KMT2C: variants seen among roughly 807,000 people sequenced by gnomAD.
The protein encoded by KMT2C is lysine methyltransferase 2C.
In KMT2C, 88 loss-of-function variants were observed where a neutral mutation model predicts 507.9. The ratio of observed to expected loss-of-function variants is 0.17; its 90% CI spans 0.15 to 0.21. KMT2C has a LOEUF of 0.21. Among genes scored for constraint, KMT2C ranks in the 10% least tolerant of loss-of-function variants. The probability of loss-of-function intolerance (pLI) is 1.00; values close to 1 mark genes in which losing one functional copy is unlikely to be tolerated. For synonymous variants in KMT2C, 2,049 were observed against 2,080.8 expected, an observed-to-expected ratio of 0.98 and a Z score of 0.42; for missense variants, 4,954 against 5,957.8, an observed-to-expected ratio of 0.83 and a Z score of 5.55.
intron 15 of KMT2C, among the ~76,000 whole-genome samples, chr7:152,236,823 C>T (rs534674963): frequency 6.6e-6 from 1 of 152,208 alleles, no homozygotes; most frequent in Admixed American, 6.5e-5. Flanking sequence ...TCCCAAAGTG[C>T]CAGGATTACA....
At chr7:152,282,587 C>CCAATTATA (rs1554610099) in intron 6 of KMT2C, among the ~76,000 whole-genome samples, 1 of 148,220 alleles carries the variant, frequency 6.7e-6, no homozygotes, top group Non-Finnish European at 1.5e-5. Flanking sequence ...TACTTAGTAG[C>CCAATTATA]CAATTATACA....
At position 152,263,051 on chromosome 7, in the gene KMT2C, T is replaced by C. The variant is rs778389602; in HGVS notation, c.1264A>G (p.Met422Val). 4.3e-6 allele frequency: 7 copies of C among 1,613,058 alleles called. No individual in the cohort carries two copies. Among genetic ancestry groups the C allele is most frequent in the Non-Finnish European group, 5.9e-6 (7 of 1,179,714 alleles). The change falls in exon 9 of 59, where the codon ATG becomes GTG. Residue 422 changes from methionine (M) to valine (V), a missense_variant. Met to Val is a conservative substitution (Grantham distance 21). This residue lies in a region of KMT2C where 14 missense variants were observed against 23.2 expected (regional missense o/e 0.60). Coordinates refer to ENST00000262189, the MANE Select transcript of KMT2C (RefSeq NM_170606.3). ...CAGCCATTGGTTGGTACTGATTTCA[T>C]AACTGGTTGAAGACAAAAAGTATGA... is the stretch of plus-strand genomic sequence containing the variant. ...GYHTFCLQPV[M>V]KSVPTNGWKC...
At chr7:152,215,676 A>ATAT (rs1563430940) in intron 23 of KMT2C, among the ~76,000 whole-genome samples, 1 of 134,510 alleles carries the variant, frequency 7.4e-6, no homozygotes. Context: ...AAAGGAACAA[A>ATAT]ATATATATAT....
chr7:152,344,303 A>G (rs2097030342), intron 2 of KMT2C, among the ~76,000 whole-genome samples: 1 of 152,204 alleles, frequency 6.6e-6, no homozygotes, highest in African/African-American at 2.4e-5. Context: ...TGCTTTTTCA[A>G]TCATACTAAG....
intron 23 of KMT2C, among the ~76,000 whole-genome samples, chr7:152,211,750 A>G (rs560843261): frequency 6.6e-6 from 1 of 152,324 alleles, no homozygotes; most frequent in African/African-American, 2.4e-5. Flanking sequence ...GGCTGAAATA[A>G]AGAAAAAGAC....
chr7:152,358,677 T>TAA lies in KMT2C; in HGVS notation c.162-3_162-2insTT. The TAA allele has an allele frequency of 6.5e-7, 1 of 1,544,882 alleles. No individual in the cohort carries two copies. Among genetic ancestry groups the TAA allele is most frequent in the Admixed American group, 1.8e-5 (1 of 54,064 alleles). On this transcript the variant is annotated splice_region_variant and splice_polypyrimidine_tract_variant and intron_variant, in intron 1 of 58. Transcript: ENST00000262189. ...GCAGTTTTCCCCCTACTTCGAGGTC[T>TAA]ACAGAAAAAAAAAAAAATAATAAGT...
chr7:152,174,111 C>T lies in KMT2C; in HGVS notation c.9374+20G>A, dbSNP rs753156127. ...TGAATGTCTAGATGCCCAGTAGAAA[C>T]AAGCAGCCACTCCACCTACCTGCTC... On this transcript the variant is annotated intron_variant, in intron 39 of 58. Transcript: ENST00000262189. 3 of 1,327,528 alleles carry T rather than the reference C, an allele frequency of 2.3e-6. No homozygotes were observed. Among genetic ancestry groups the T allele is most frequent in the Non-Finnish European group, 2.1e-6 (2 of 943,106 alleles). The allele number at this position is 1,327,528 out of a possible 1,614,324, so 82.2% of individuals were successfully genotyped here.
chr7:152,435,743 G>GGCGGCT lies in KMT2C; in HGVS notation c.38_43dup (p.Gln13_Pro14dup), dbSNP rs1262758756. Reference sequence around the variant, plus strand: ...TCCAGGCTCCTCGGGGGGTGGTGGCGGCGGCTGCGGCTGCTCCACGCTCTT... The same window carrying GGCGGCT: ...TCCAGGCTCCTCGGGGGGTGGTGGCGGCGGCTGCGGCTGCGGCTGCTCCACGCTCTT... On this transcript the variant is annotated inframe_insertion, in exon 1 of 59. Coordinates refer to ENST00000262189, the MANE Select transcript of KMT2C (RefSeq NM_170606.3). 3.3e-6 allele frequency: 5 copies of GGCGGCT among 1,522,940 alleles called. No homozygotes were observed. The highest frequency in any genetic ancestry group is 3.5e-6 in the Non-Finnish European group (4 of 1,134,258). 94.3% of individuals were successfully genotyped at this position (1,522,940 alleles called of 1,614,324 possible). A position where few individuals can be genotyped will look rare whatever the true frequency, so the allele number is the denominator to read the frequency against.
chr7:152,309,443 C>T (rs1246980252), intron 6 of KMT2C, among the ~76,000 whole-genome samples: 5 of 150,118 alleles, frequency 3.3e-5, no homozygotes, highest in African/African-American at 1.2e-4. Context: ...CCCACCTCAG[C>T]ACCCCAAGTT....
intron 26 of KMT2C, 55 bp downstream of exon 26, chr7:152,202,879 C>G (rs1173895064): frequency 3.7e-6 from 5 of 1,354,012 alleles, no homozygotes; most frequent in Middle Eastern, 2.5e-4. Flanking sequence ...AAACTCAATA[C>G]ATTTTATTTC....
At chr7:152,427,451 T>C (rs1367195602) in intron 1 of KMT2C, among the ~76,000 whole-genome samples, 1 of 152,234 alleles carries the variant, frequency 6.6e-6, no homozygotes, top group African/African-American at 2.4e-5. Flanking sequence ...GGAAAGGTTT[T>C]TCTCTAGTTC....
chr7:152,292,065 T>C (rs1208655633), intron 6 of KMT2C, among the ~76,000 whole-genome samples: 1 of 152,196 alleles, frequency 6.6e-6, no homozygotes, highest in East Asian at 1.9e-4. Flanking sequence ...TTTAGTTTTA[T>C]TCCTGTTGGC....
intron 3 of KMT2C, among the ~76,000 whole-genome samples, chr7:152,326,046 C>T (rs776694802): frequency 6.6e-6 from 1 of 151,884 alleles, no homozygotes; most frequent in Non-Finnish European, 1.5e-5. Context: ...ATCTGGGTTC[C>T]CTATTCTGAT....
chr7:152,388,552 T>A (rs2097455904), intron 1 of KMT2C, among the ~76,000 whole-genome samples: 1 of 151,916 alleles, frequency 6.6e-6, no homozygotes, highest in South Asian at 2.1e-4. Flanking sequence ...AGCGAGACTG[T>A]CTCAAAAAAA....
intron 14 of KMT2C, among the ~76,000 whole-genome samples, chr7:152,239,871 A>C (rs2095352257): frequency 6.6e-6 from 1 of 152,246 alleles, no homozygotes; most frequent in Admixed American, 6.5e-5. Context: ...ATTAAAAAGT[A>C]CTATCTCATT....
chr7:152,417,082 T>C (rs1204603641), intron 1 of KMT2C, among the ~76,000 whole-genome samples: 1 of 150,958 alleles, frequency 6.6e-6, no homozygotes, highest in Admixed American at 6.6e-5. Flanking sequence ...TTTATATTTA[T>C]CTCAAAAAAA....
chr7:152,258,252 G>A (rs2095695961), intron 9 of KMT2C, among the ~76,000 whole-genome samples: 1 of 152,158 alleles, frequency 6.6e-6, no homozygotes, highest in Admixed American at 6.5e-5. Flanking sequence ...GCTTGAAGGA[G>A]CAACTGACAG....
At chr7:152,353,578 AC>A (rs987520515) in intron 2 of KMT2C, among the ~76,000 whole-genome samples, 10 of 152,028 alleles carry the variant, frequency 6.6e-5, no homozygotes, top group African/African-American at 2.4e-4. Flanking sequence ...GGTCACTGCA[AC>A]TGGTGTCTCC....
At chr7:152,187,646 G>T in intron 32 of KMT2C, 69 bp downstream of exon 32, 1 of 1,536,350 alleles carries the variant, frequency 6.5e-7, no homozygotes, top group Non-Finnish European at 8.9e-7. Context: ...CATTTAAGCA[G>T]ACTAATTTAT....
Sources: allele counts gnomAD v4.1 joint callset (sites outside exome capture counted in the v4.1 genomes callset), GRCh38; gene constraint gnomAD v4.1.1; regional missense constraint gnomAD v4.1.1; transcripts MANE v1.5; gene names NCBI Gene and HGNC (gene_info 2026-07-23, HGNC 2026-07-21).